NRTN: variants seen among roughly 807,000 people sequenced by gnomAD.
NRTN encodes neurturin.
Under a neutral mutation model 7.5 loss-of-function variants are expected in NRTN, and 3 were observed. The ratio of observed to expected loss-of-function variants is 0.40; its 90% CI spans 0.18 to 1.03. The LOEUF is 1.03. Among genes scored for constraint, NRTN ranks in the 50% least tolerant of loss-of-function variants. The pLI is 0.34. For synonymous variants in NRTN, 157 were observed against 146.6 expected, an observed-to-expected ratio of 1.07 and a Z score of -0.51; for missense variants, 310 against 307.0, an observed-to-expected ratio of 1.01 and a Z score of -0.07.
At chr19:5,812,075 G>A (rs1362591822) in intron 1 of NRTN, among the ~76,000 whole-genome samples, 3 of 151,158 alleles carry the variant, frequency 2.0e-5, no homozygotes, top group South Asian at 4.2e-4. Flanking sequence ...GTTTCACCAT[G>A]TTATCCAAGA....
At chr19:5,821,621 G>GTTCGTTCA (rs1555734914) in intron 1 of NRTN, among the ~76,000 whole-genome samples, 1 of 146,322 alleles carries the variant, frequency 6.8e-6, no homozygotes, top group Non-Finnish European at 1.5e-5. Context: ...GCTTCTTTGT[G>GTTCGTTCA]TTCATTCATT....
Position 5,824,155 on chromosome 19 carries a change from G to A in NRTN, c.-11G>A, listed in dbSNP as rs369171192. The stretch of plus-strand genomic sequence containing the variant: ...GCGTGCGGCTGACCATCCCGTGCCC[G>A]CAGGCTGAGGATGCAGCGCTGGAAG... On this transcript the variant is annotated 5_prime_UTR_variant, in exon 2 of 3. Coordinates refer to ENST00000303212, the MANE Select transcript of NRTN (RefSeq NM_004558.5). The A allele has an allele frequency of 5.2e-5, 84 of 1,605,296 alleles. No homozygotes were observed. In the African/African-American group the frequency reaches 8.4e-4, roughly 16 times the overall value.
chr19:5,823,899 C>T lies in NRTN; in HGVS notation c.-267C>T, dbSNP rs529329479. 12 of 577,450 alleles carry T rather than the reference C, an allele frequency of 2.1e-5. No homozygotes were observed. In the South Asian group the frequency reaches 2.2e-4, roughly 11 times the overall value. The allele number at this position is 577,450 out of a possible 1,614,324, so 35.8% of individuals were successfully genotyped here. On this transcript the variant is annotated 5_prime_UTR_variant, in exon 2 of 3. The change creates a premature stop within an existing upstream ORF in the 5' untranslated region. Transcript: ENST00000303212. ...TGCCTGGCCAACTCCTACGTTTATT[C>T]AAGTCTGGACCTTGTCATCGGCTCC...
At chr19:5,825,394 G>A (rs2057042323) in intron 2 of NRTN, among the ~76,000 whole-genome samples, 1 of 152,154 alleles carries the variant, frequency 6.6e-6, no homozygotes, top group South Asian at 2.1e-4. Flanking sequence ...AGCGCCTTTG[G>A]GTGTGGGCCA....
intron 1 of NRTN, among the ~76,000 whole-genome samples, chr19:5,811,489 A>C (rs1324154032): frequency 6.6e-6 from 1 of 152,346 alleles, no homozygotes; most frequent in East Asian, 1.9e-4. Flanking sequence ...TAAAGTGCTT[A>C]GAATGGCACT....
chr19:5,819,138 C>G (rs924510672), intron 1 of NRTN, among the ~76,000 whole-genome samples: 106 of 152,354 alleles, frequency 7.0e-4, no homozygotes, highest in African/African-American at 2.5e-3. Flanking sequence ...CCTGTCTCCC[C>G]CTCCTACCAC....
At chr19:5,821,985 G>T (rs1212419836) in intron 1 of NRTN, among the ~76,000 whole-genome samples, 1 of 152,112 alleles carries the variant, frequency 6.6e-6, no homozygotes, top group Non-Finnish European at 1.5e-5. Context: ...CCCATTTTGT[G>T]CCTCGGTTTC....
chr19:5,808,696 C>T (rs1164753560), intron 1 of NRTN, among the ~76,000 whole-genome samples: 1 of 151,864 alleles, frequency 6.6e-6, no homozygotes, highest in African/African-American at 2.4e-5. Flanking sequence ...GTCCTGCCTC[C>T]GAGCCTTTAT....
chr19:5,824,340 C>T lies in NRTN; in HGVS notation c.169+6C>T, dbSNP rs1330137859. Reference sequence around the variant, plus strand: ...GATTGCCCGCCTGGCCCAGTGTAAGCTCCTCCTCTGTGTGGGGTCAGATAC... The same window carrying T: ...GATTGCCCGCCTGGCCCAGTGTAAGTTCCTCCTCTGTGTGGGGTCAGATAC... On this transcript the variant is annotated splice_donor_region_variant and intron_variant, in intron 2 of 2. Transcript: ENST00000303212. 2 of 1,596,568 alleles carry T rather than the reference C, an allele frequency of 1.3e-6. No individual in the cohort carries two copies. Among genetic ancestry groups the T allele is most frequent in the Non-Finnish European group, 8.5e-7 (1 of 1,174,064 alleles).
Position 5,828,310 on chromosome 19 carries a change from AGT to A in NRTN, c.*141_*142del, listed in dbSNP as rs2057057705. 2 of 984,234 alleles carry A rather than the reference AGT, an allele frequency of 2.0e-6. No homozygotes were observed. The highest frequency in any genetic ancestry group is 2.8e-6 in the Non-Finnish European group (2 of 709,114). 61.0% of individuals were successfully genotyped at this position (984,234 alleles called of 1,614,324 possible). A position where few individuals can be genotyped will look rare whatever the true frequency, so the allele number is the denominator to read the frequency against. Reference sequence around the variant, plus strand: ...TCTCGCGATAACTGTACTGAGATAAAGTGTGGCAACTCGAGCTGGCTGGTGAT... The same window carrying A: ...TCTCGCGATAACTGTACTGAGATAAAGTGGCAACTCGAGCTGGCTGGTGAT... On this transcript the variant is annotated 3_prime_UTR_variant, in exon 3 of 3. Coordinates refer to ENST00000303212, the MANE Select transcript of NRTN (RefSeq NM_004558.5).
intron 2 of NRTN, among the ~76,000 whole-genome samples, chr19:5,825,909 C>T (rs1243315630): frequency 6.6e-6 from 1 of 152,120 alleles, no homozygotes; most frequent in African/African-American, 2.4e-5. Flanking sequence ...CCGAGGTGGG[C>T]GGATCACGAG....
rs1048096302 is a variant in NRTN at position 5,805,352 on chromosome 19, G to A, written c.-498G>A. ...CCCCTCCGGCCCGGGCCCCCCCCGGGCACCGCGGGCCCAGGCGGCCCGGAT... is the reference window on the plus strand; with the variant it reads ...CCCCTCCGGCCCGGGCCCCCCCCGGACACCGCGGGCCCAGGCGGCCCGGAT... On this transcript the variant is annotated 5_prime_UTR_variant, in exon 1 of 3. Coordinates refer to ENST00000303212, the MANE Select transcript of NRTN (RefSeq NM_004558.5). Among the ~76,000 whole-genome samples, 6 of 146,146 alleles carry A rather than the reference G, an allele frequency of 4.1e-5. No homozygotes were observed. In the East Asian group the frequency reaches 6.0e-4, roughly 15 times the overall value.
intron 1 of NRTN, among the ~76,000 whole-genome samples, chr19:5,822,296 A>G (rs2057027715): frequency 6.6e-6 from 1 of 151,994 alleles, no homozygotes; most frequent in South Asian, 2.1e-4. Context: ...GCGCCTGGGA[A>G]CCCCATGAGC....
rs187646122 is a variant in NRTN at position 5,824,797 on chromosome 19, T to A, written c.169+463T>A. On this transcript the variant is annotated intron_variant, in intron 2 of 2. Transcript: ENST00000303212. ...ATTCTGTCTCAAAACATTATAATAA[T>A]AAATACATTTTCTAAAAAAAGATGG... 3.8e-3 allele frequency among the ~76,000 whole-genome samples: 584 copies of A among 152,206 alleles called. 1 individual carries two copies. The highest frequency in any genetic ancestry group is 6.8e-3 in the Non-Finnish European group (463 of 68,016).
Position 5,827,737 on chromosome 19 carries a change from C to T in NRTN, c.170-12C>T. The T allele has an allele frequency of 8.3e-7, 1 of 1,210,602 alleles. No individual in the cohort carries two copies. Among genetic ancestry groups the T allele is most frequent in the Non-Finnish European group, 1.0e-6 (1 of 970,072 alleles). The allele number at this position is 1,210,602 out of a possible 1,614,324, so 75.0% of individuals were successfully genotyped here. On this transcript the variant is annotated splice_polypyrimidine_tract_variant and intron_variant, in intron 2 of 2. Transcript: ENST00000303212. Reference sequence around the variant, plus strand: ...CACTGACCCCCCCTCCTTTCTCTTCCTCCCCTCGCAGACCGTGCACTCCTG... The same window carrying T: ...CACTGACCCCCCCTCCTTTCTCTTCTTCCCCTCGCAGACCGTGCACTCCTG...
chr19:5,824,456 C>T, intron 2 of NRTN, 122 bp downstream of exon 2: 1 of 1,260,552 alleles, frequency 7.9e-7, no homozygotes. Context: ...AGCCAGCCCC[C>T]TTGCAGGGAG....
intron 2 of NRTN, among the ~76,000 whole-genome samples, chr19:5,826,008 G>A (rs1339601509): frequency 3.3e-5 from 5 of 152,122 alleles, no homozygotes; most frequent in African/African-American, 9.7e-5. Context: ...GGTGGCGGGC[G>A]CCTGTAGTCC....
intron 1 of NRTN, among the ~76,000 whole-genome samples, chr19:5,811,846 C>T (rs891568015): frequency 4.7e-5 from 7 of 149,326 alleles, no homozygotes; most frequent in African/African-American, 7.4e-5. Flanking sequence ...CCACCGCACC[C>T]GGCCCAGTTA....
rs1303729812 is a variant in NRTN at position 5,828,108 on chromosome 19, C to T, written c.529C>T (p.Leu177=). The change falls in exon 3 of 3, where the codon CTG becomes TTG. Residue 177 remains leucine (L), a synonymous_variant. Transcript: ENST00000303212. The stretch of plus-strand genomic sequence containing the variant: ...GGCCTACGAGGACGAGGTGTCCTTC[C>T]TGGACGCGCACAGCCGCTACCACAC... ...PTAYEDEVSF[L]DAHSRYHTVH... 2.0e-6 allele frequency: 3 copies of T among 1,502,988 alleles called. No individual in the cohort carries two copies. The highest frequency in any genetic ancestry group is 2.6e-6 in the Non-Finnish European group (3 of 1,133,588). The allele number at this position is 1,502,988 out of a possible 1,614,324, so 93.1% of individuals were successfully genotyped here.
Sources: gnomAD v4.1 joint callset for allele counts (sites outside exome capture counted in the v4.1 genomes callset) on GRCh38, gnomAD v4.1.1 for gene constraint, MANE v1.5 for transcripts, NCBI Gene and HGNC (gene_info 2026-07-23, HGNC 2026-07-21) for gene names.